The following FNBP1L variants were observed in gnomAD, a reference collection of about 807,000 sequenced individuals.
FNBP1L encodes formin binding protein 1 like.
A neutral mutation model predicts 91.2 loss-of-function variants in FNBP1L; 36 were observed. That is an observed-to-expected ratio of 0.39 (90% CI 0.30 to 0.52). The LOEUF (loss-of-function observed/expected upper bound fraction) is 0.52, where lower values mean the gene tolerates loss of function less well. FNBP1L is among the 20% of genes least tolerant of loss of function. The probability of loss-of-function intolerance (pLI) is 0.66; values close to 1 mark genes in which losing one functional copy is unlikely to be tolerated. For missense variants in FNBP1L, 571 were observed against 732.1 expected (o/e 0.78, Z 2.54); for synonymous variants, 242 against 237.0 (o/e 1.02, Z -0.19).
In FNBP1L at chr1:93,534,447, T is replaced by C. The variant is rs572343235; in HGVS notation, c.787-258T>C. On this transcript the variant is annotated intron_variant, in intron 8 of 16. Transcript: ENST00000271234. ...AGTCTTCAGATGAATTTCAGGTGGT[T>C]AAAGCTACCAAGTAAAAACATTTTA... Among the ~76,000 whole-genome samples, 9 of 152,322 alleles carry C rather than the reference T, an allele frequency of 5.9e-5. No individual in the cohort carries two copies. The East Asian group carries it at 1.5e-3, about 26-fold the overall frequency.
intron 1 of FNBP1L, among the ~76,000 whole-genome samples, chr1:93,468,983 G>C (rs1166671765): frequency 6.6e-6 from 1 of 151,948 alleles, no homozygotes; most frequent in African/African-American, 2.4e-5. Flanking sequence ...TTGTGGTTTT[G>C]ATTTACATTT....
intron 1 of FNBP1L, among the ~76,000 whole-genome samples, chr1:93,489,610 A>G (rs530595352): frequency 3.3e-4 from 51 of 152,282 alleles, no homozygotes; most frequent in African/African-American, 1.1e-3. Flanking sequence ...TAGATTTTGA[A>G]GTCACTACAA....
chr1:93,501,003 T>G (rs1670426190), intron 2 of FNBP1L, among the ~76,000 whole-genome samples: 1 of 152,190 alleles, frequency 6.6e-6, no homozygotes, highest in African/African-American at 2.4e-5. Context: ...AACTTACCTC[T>G]CTAGAATCTA....
At chr1:93,541,626 T>A (rs1047610972) in intron 11 of FNBP1L, among the ~76,000 whole-genome samples, 8 of 152,042 alleles carry the variant, frequency 5.3e-5, no homozygotes, top group African/African-American at 1.9e-4. Context: ...GTGTTTGGGA[T>A]GTTCCTTGGT....
At chr1:93,455,631 A>T (rs967977172) in intron 1 of FNBP1L, among the ~76,000 whole-genome samples, 1 of 152,238 alleles carries the variant, frequency 6.6e-6, no homozygotes, top group Non-Finnish European at 1.5e-5. Flanking sequence ...GGAAAAATGC[A>T]GTTAGTTTAG....
rs530071351 is a variant in FNBP1L at position 93,512,720 on chromosome 1, C to T, written c.141-9362C>T. 4.0e-5 allele frequency among the ~76,000 whole-genome samples: 6 copies of T among 151,708 alleles called. No individual in the cohort carries two copies. The East Asian group carries it at 1.2e-3, about 29-fold the overall frequency. On this transcript the variant is annotated intron_variant, in intron 2 of 16. Transcript: ENST00000271234. The stretch of plus-strand genomic sequence containing the variant: ...GCAGAAATAAAGATGTTCTTTGAAA[C>T]CAACGAGAACAAAGACACAACATAC...
chr1:93,506,666 T>C (rs940352858), intron 2 of FNBP1L, among the ~76,000 whole-genome samples: 2 of 152,176 alleles, frequency 1.3e-5, no homozygotes, highest in African/African-American at 4.8e-5. Flanking sequence ...CTCTCAAATA[T>C]TGAAAGGTTG....
intron 1 of FNBP1L, among the ~76,000 whole-genome samples, chr1:93,492,590 A>G (rs770491905): frequency 6.6e-6 from 1 of 152,154 alleles, no homozygotes; most frequent in African/African-American, 2.4e-5. Flanking sequence ...GCTCACGCCT[A>G]TAGTCCTGGT....
chr1:93,492,685 A>G (rs572954725), intron 1 of FNBP1L, among the ~76,000 whole-genome samples: 1 of 152,244 alleles, frequency 6.6e-6, no homozygotes, highest in African/African-American at 2.4e-5. Context: ...CCGTCTTTAC[A>G]AAATATTTTT....
At chr1:93,477,956 T>C (rs1206776059) in intron 1 of FNBP1L, among the ~76,000 whole-genome samples, 1 of 152,268 alleles carries the variant, frequency 6.6e-6, no homozygotes, top group Admixed American at 6.5e-5. Flanking sequence ...CACAGACTAA[T>C]TCTGTGTTAG....
intron 2 of FNBP1L, among the ~76,000 whole-genome samples, chr1:93,507,729 A>G (rs1392992433): frequency 6.6e-6 from 1 of 151,882 alleles, no homozygotes; most frequent in Non-Finnish European, 1.5e-5. Flanking sequence ...GCTCAGTGCA[A>G]CCTCCGCTGC....
chr1:93,460,628 A>T (rs1482219540), intron 1 of FNBP1L, among the ~76,000 whole-genome samples: 1 of 152,262 alleles, frequency 6.6e-6, no homozygotes, highest in Admixed American at 6.5e-5. Context: ...GTCATTTACG[A>T]TAACATGGAT....
At chr1:93,478,023 G>T (rs1156264949) in intron 1 of FNBP1L, among the ~76,000 whole-genome samples, 1 of 152,182 alleles carries the variant, frequency 6.6e-6, no homozygotes, top group East Asian at 1.9e-4. Context: ...TTTGGTTGTA[G>T]AATAAGCAAA....
chr1:93,473,660 G>A (rs768608618), intron 1 of FNBP1L, among the ~76,000 whole-genome samples: 24 of 152,178 alleles, frequency 1.6e-4, no homozygotes, highest in Admixed American at 7.2e-4. Flanking sequence ...TGAGCTTAAC[G>A]TGTATTTGAA....
intron 7 of FNBP1L, among the ~76,000 whole-genome samples, chr1:93,531,589 T>C (rs1671678931): frequency 1.3e-5 from 2 of 152,098 alleles, no homozygotes; most frequent in Non-Finnish European, 2.9e-5. Context: ...ATAAGGCAAG[T>C]TGGAAATACA....
Position 93,452,569 on chromosome 1 carries a change from G to A in FNBP1L, c.24+4264G>A, listed in dbSNP as rs556739123. Among the ~76,000 whole-genome samples the A allele has an allele frequency of 4.6e-5, 7 of 152,302 alleles. No homozygotes were observed. The South Asian group carries it at 1.4e-3, about 32-fold the overall frequency. ...TGTAACAAAGGAATTGGGTCTCATA[G>A]TCTACTGGTTAGACCATATCTGTAA... On this transcript the variant is annotated intron_variant, in intron 1 of 16. Transcript: ENST00000271234.
At chr1:93,468,159 A>C (rs990198150) in intron 1 of FNBP1L, among the ~76,000 whole-genome samples, 1 of 152,172 alleles carries the variant, frequency 6.6e-6, no homozygotes, top group Non-Finnish European at 1.5e-5. Context: ...CTGTCTCAAC[A>C]GATTTACCTA....
chr1:93,534,915 G>T lies in FNBP1L; in HGVS notation c.990+7G>T. On this transcript the variant is annotated splice_region_variant and intron_variant, in intron 9 of 16. Transcript: ENST00000271234. ...CTTTGGAAAGAAGCCAAAGGTAAAAGTCATAAAATTCCTATATGCTAATCA... is the reference window on the plus strand; with the variant it reads ...CTTTGGAAAGAAGCCAAAGGTAAAATTCATAAAATTCCTATATGCTAATCA... 1 of 1,557,838 alleles carries T rather than the reference G, an allele frequency of 6.4e-7. No individual in the cohort carries two copies. Among genetic ancestry groups the T allele is most frequent in the Non-Finnish European group, 8.7e-7 (1 of 1,150,112 alleles).
At chr1:93,511,984 AAAAAG>A (rs1670868909) in intron 2 of FNBP1L, among the ~76,000 whole-genome samples, 1 of 150,998 alleles carries the variant, frequency 6.6e-6, no homozygotes, top group African/African-American at 2.4e-5. Flanking sequence ...AAAAAAAAAA[AAAAAG>A]AGTCAAGACC....
Sources: gnomAD v4.1 joint callset for allele counts (sites outside exome capture counted in the v4.1 genomes callset) on GRCh38, gnomAD v4.1.1 for gene constraint, MANE v1.5 for transcripts, NCBI Gene and HGNC (gene_info 2026-07-23, HGNC 2026-07-21) for gene names.